ATP6V1C1: variants seen among roughly 807,000 people sequenced by gnomAD.
ATP6V1C1 encodes ATPase H+ transporting V1 subunit C1.
In ATP6V1C1, 45 loss-of-function variants were observed where a neutral mutation model predicts 53.9. The ratio of observed to expected loss-of-function variants is 0.83; its 90% confidence interval spans 0.66 to 1.07. The LOEUF (loss-of-function observed/expected upper bound fraction) is 1.07. Ranked by LOEUF, ATP6V1C1 falls within the 50% of genes least tolerant of loss-of-function variation. The probability of loss-of-function intolerance (pLI) is 0.00; values close to 1 mark genes in which losing one functional copy is unlikely to be tolerated. For synonymous variants in ATP6V1C1, 153 were observed against 155.2 expected, an observed-to-expected ratio of 0.99 and a Z score of 0.11; for missense variants, 315 against 440.3, an observed-to-expected ratio of 0.72 and a Z score of 2.55.
chr8:103,022,817 G>A (rs1816621738), intron 1 of ATP6V1C1, among the ~76,000 whole-genome samples: 2 of 152,082 alleles, frequency 1.3e-5, no homozygotes, highest in Admixed American at 6.5e-5. Flanking sequence ...GGGAGGCTGA[G>A]GTGGGAGGAT....
intron 12 of ATP6V1C1, 151 bp downstream of exon 12, chr8:103,066,598 A>G (rs978091797): frequency 2.3e-6 from 2 of 887,738 alleles, no homozygotes; most frequent in Non-Finnish European, 3.2e-6. Context: ...TAAACATAGT[A>G]ATTTACATTG....
chr8:103,046,877 G>C (rs1455837519), intron 3 of ATP6V1C1, among the ~76,000 whole-genome samples: 1 of 152,072 alleles, frequency 6.6e-6, no homozygotes, highest in Non-Finnish European at 1.5e-5. Context: ...TTGTAAATAG[G>C]CATACGGAGA....
chr8:103,021,763 G>T (rs1176117338), intron 1 of ATP6V1C1, among the ~76,000 whole-genome samples: 2 of 152,072 alleles, frequency 1.3e-5, no homozygotes, highest in East Asian at 1.9e-4. Context: ...GGAATCCAGA[G>T]AACTCAACTA....
chr8:103,048,367 C>T (rs10099825), intron 3 of ATP6V1C1, among the ~76,000 whole-genome samples: 39,904 of 152,070 alleles, frequency 0.26, 6,056 homozygotes, highest in Admixed American at 0.39. Context: ...AGTAGATGCT[C>T]AATAAACAGT....
intron 12 of ATP6V1C1, 76 bp downstream of exon 12, chr8:103,066,523 G>GA (rs1817494278): frequency 5.8e-5 from 82 of 1,407,342 alleles, no homozygotes; most frequent in Non-Finnish European, 7.7e-5. Flanking sequence ...AAGATAGACA[G>GA]AAAAGGGAGG....
chr8:103,040,645 C>T (rs553310602), intron 1 of ATP6V1C1, among the ~76,000 whole-genome samples, 153 bp from the exon 2 acceptor site: 17 of 151,640 alleles, frequency 1.1e-4, no homozygotes, highest in African/African-American at 3.6e-4. Context: ...AGATTTATTT[C>T]GAGGTAGGTA....
At chr8:103,023,791 C>G (rs757208485) in intron 1 of ATP6V1C1, among the ~76,000 whole-genome samples, 2 of 152,156 alleles carry the variant, frequency 1.3e-5, no homozygotes, top group Non-Finnish European at 2.9e-5. Flanking sequence ...CCACAGTTTT[C>G]TGACTGCTGA....
At position 103,040,819 on chromosome 8, in the gene ATP6V1C1, A is replaced by T. The variant is rs773236225; in HGVS notation, c.-18A>T. ...TCAGAATCTCTCTTGATTTTTGAGG[A>T]AATACCTAGTAACAAACATGACTGA... On this transcript the variant is annotated 5_prime_UTR_variant, in exon 2 of 13. Transcript: ENST00000518738. 7 of 1,603,118 alleles carry T rather than the reference A, an allele frequency of 4.4e-6. No homozygotes were observed. In the South Asian group the frequency reaches 6.8e-5, roughly 15 times the overall value.
At chr8:103,034,506 T>C (rs868936) in intron 1 of ATP6V1C1, among the ~76,000 whole-genome samples, 39,297 of 151,922 alleles carry the variant, frequency 0.26, 5,903 homozygotes, top group Admixed American at 0.39. Flanking sequence ...GACATACATA[T>C]TCATCTGCAA....
In ATP6V1C1 at chr8:103,028,651, T is replaced by C. The variant is rs115749594; in HGVS notation, c.-40+7426T>C. Among the ~76,000 whole-genome samples the C allele has an allele frequency of 5.1e-3, 772 of 152,338 alleles. 6 individuals carry two copies. Among genetic ancestry groups the C allele is most frequent in the African/African-American group, 0.017 (721 of 41,574 alleles). On this transcript the variant is annotated intron_variant, in intron 1 of 12. Transcript: ENST00000518738. ...TCCTGGATATTGTAATCCAATCCTC[T>C]CATTTTACAAGTGAAGACATTTATG...
At chr8:103,036,029 A>G (rs1450437218) in intron 1 of ATP6V1C1, among the ~76,000 whole-genome samples, 1 of 152,196 alleles carries the variant, frequency 6.6e-6, no homozygotes, top group African/African-American at 2.4e-5. Flanking sequence ...TCACTGGACC[A>G]ACAGGGTGCC....
intron 8 of ATP6V1C1, among the ~76,000 whole-genome samples, chr8:103,061,988 C>G (rs1281852516): frequency 6.6e-6 from 1 of 152,026 alleles, no homozygotes; most frequent in Non-Finnish European, 1.5e-5. Flanking sequence ...TTTAAATGAC[C>G]ATTAAAATTA....
intron 1 of ATP6V1C1, among the ~76,000 whole-genome samples, chr8:103,025,674 A>G (rs1816682650): frequency 6.6e-6 from 1 of 152,228 alleles, no homozygotes; most frequent in Non-Finnish European, 1.5e-5. Context: ...GTCTTTGGGC[A>G]ACTAATTTCA....
chr8:103,062,999 T>C lies in ATP6V1C1; in HGVS notation c.686T>C (p.Leu229Ser). 1.2e-6 allele frequency: 2 copies of C among 1,613,938 alleles called. No homozygotes were observed. Among genetic ancestry groups the C allele is most frequent in the Non-Finnish European group, 8.5e-7 (1 of 1,179,952 alleles). ...GACAGTTACCTGTGTAATGTCACCT[T>C]GTTTAGGAAGGCAGTTGATGACTTC... is the stretch of plus-strand genomic sequence containing the variant. ...DQDSYLCNVT[L>S]FRKAVDDFRH... The change falls in exon 9 of 13, where the codon TTG becomes TCG. Residue 229 changes from leucine (L) to serine (S), a missense_variant. Coordinates refer to ENST00000518738, the MANE Select transcript of ATP6V1C1 (RefSeq NM_001695.5).
Position 103,068,635 on chromosome 8 carries a change from GTC to G in ATP6V1C1, c.1054-15_1054-14del, listed in dbSNP as rs777752995. The G allele has an allele frequency of 6.5e-7, 1 of 1,544,756 alleles. No homozygotes were observed. Among genetic ancestry groups the G allele is most frequent in the Non-Finnish European group, 8.8e-7 (1 of 1,136,804 alleles). On this transcript the variant is annotated splice_polypyrimidine_tract_variant and intron_variant, in intron 12 of 12. Coordinates refer to ENST00000518738, the MANE Select transcript of ATP6V1C1 (RefSeq NM_001695.5). ...TCTGTAAATACAAAATTGAATAATTGTCTGTTTTTTCCATAGGCTCCTATGGA... is the reference window on the plus strand; with the variant it reads ...TCTGTAAATACAAAATTGAATAATTGTGTTTTTTCCATAGGCTCCTATGGA...
In ATP6V1C1 at chr8:103,068,857, G is replaced by C. The variant is rs9992; in HGVS notation, c.*110G>C. On this transcript the variant is annotated 3_prime_UTR_variant, in exon 13 of 13. Transcript: ENST00000518738. ...CTAGTATCCTTTGCTTGCTTCTTAC[G>C]CCCTTTCCTAGGTGAATTCTCCCAC... 0.78 allele frequency: 592,641 copies of C among 760,254 alleles called. 232,862 individuals carry two copies. The highest frequency in any genetic ancestry group is 0.88 in the African/African-American group (48,609 of 55,544). 47.1% of individuals were successfully genotyped at this position (760,254 alleles called of 1,614,324 possible). A position where few individuals can be genotyped will look rare whatever the true frequency, so the allele number is the denominator to read the frequency against.
chr8:103,068,307 A>G (rs749037554), intron 12 of ATP6V1C1, among the ~76,000 whole-genome samples: 9 of 152,212 alleles, frequency 5.9e-5, no homozygotes. Flanking sequence ...ATATTTTGTA[A>G]GTCTTGTATC....
rs1480713860 is a variant in ATP6V1C1, at chr8:103,063,156, G to GT, written c.757dup (p.Tyr253LeufsTer2). ...TTAGATTCATTGTTCGTGACTTCCA[G>GT]TATAATGAAGAGGAGATGAAAGCAG... On this transcript the variant is annotated frameshift_variant, in exon 10 of 13. Coordinates refer to ENST00000518738, the MANE Select transcript of ATP6V1C1 (RefSeq NM_001695.5). LOFTEE classifies it high-confidence loss of function. 1 of 1,613,148 alleles carries GT rather than the reference G, an allele frequency of 6.2e-7. No homozygotes were observed. Among genetic ancestry groups the GT allele is most frequent in the Non-Finnish European group, 8.5e-7 (1 of 1,179,604 alleles).
Position 103,041,050 on chromosome 8 carries a change from CCCAGGTT to C in ATP6V1C1, c.132+85_132+91del. 2.1e-6 allele frequency: 3 copies of C among 1,417,840 alleles called. No individual in the cohort carries two copies. The South Asian group carries it at 4.7e-5, about 22-fold the overall frequency. The allele number at this position is 1,417,840 out of a possible 1,614,324, so 87.8% of individuals were successfully genotyped here. On this transcript the variant is annotated intron_variant, in intron 2 of 12. Transcript: ENST00000518738. The stretch of plus-strand genomic sequence containing the variant: ...TCTCTCTTTTAGTGGAAATGAGATA[CCCAGGTT>C]CCTTCCAAAGAAAACCTCCTCTCCA...
Sources: allele counts gnomAD v4.1 joint callset (sites outside exome capture counted in the v4.1 genomes callset), GRCh38; gene constraint gnomAD v4.1.1; transcripts MANE v1.5; gene names NCBI Gene and HGNC (gene_info 2026-07-23, HGNC 2026-07-21).